The following ASAP1 variants were observed in gnomAD, a reference collection of about 807,000 sequenced individuals.
The protein encoded by ASAP1 is arf-GAP with SH3 domain, ANK repeat and PH domain-containing protein 1.
Under a neutral mutation model 145.2 loss-of-function variants are expected in ASAP1, and 43 were observed. The observed-to-expected ratio is 0.30, with a 90% CI of 0.23 to 0.38. The LOEUF (loss-of-function observed/expected upper bound fraction) is 0.38. ASAP1 is among the 10% of genes least tolerant of loss of function. The pLI, the probability that ASAP1 is intolerant of heterozygous loss-of-function variation, is 1.00. For missense variants in ASAP1, 1,018 were observed against 1,355.3 expected (o/e 0.75, Z 3.91); for synonymous variants, 546 against 515.5 (o/e 1.06, Z -0.80).
intron 2 of ASAP1, among the ~76,000 whole-genome samples, chr8:130,378,995 C>T (rs7822048): frequency 0.42 from 63,647 of 152,036 alleles, 14,392 homozygotes; most frequent in African/African-American, 0.59. Context: ...ACTCTTGCAG[C>T]CTCCTGAGTG....
chr8:130,160,582 C>A (rs897272620), intron 11 of ASAP1, among the ~76,000 whole-genome samples: 1 of 152,006 alleles, frequency 6.6e-6, no homozygotes, highest in Non-Finnish European at 1.5e-5. Flanking sequence ...GCCAAACCAA[C>A]AACATAGATG....
intron 3 of ASAP1, among the ~76,000 whole-genome samples, chr8:130,329,742 C>T (rs535580029): frequency 7.9e-5 from 12 of 152,318 alleles, no homozygotes; most frequent in Admixed American, 1.3e-4. Flanking sequence ...AGATGCATTA[C>T]TTCCAATAAA....
chr8:130,183,693 T>C (rs1482286251), intron 7 of ASAP1, among the ~76,000 whole-genome samples: 2 of 152,154 alleles, frequency 1.3e-5, no homozygotes, highest in Admixed American at 1.3e-4. Context: ...ATAAAAATGA[T>C]TTATAACTAT....
chr8:130,112,469 G>T, intron 23 of ASAP1, 147 bp from the exon 24 acceptor site: 1 of 620,962 alleles, frequency 1.6e-6, no homozygotes. Context: ...GCCTCATGAT[G>T]CTGACACAGT....
rs143586072 is a variant in ASAP1, at chr8:130,336,575, A to T, written c.186+21442T>A. 4.9e-3 allele frequency among the ~76,000 whole-genome samples: 751 copies of T among 152,342 alleles called. 6 individuals are homozygous for T. The highest frequency in any genetic ancestry group is 0.017 in the African/African-American group (715 of 41,576). ...TTGGTATTAGGCACTTTACATGGGT[A>T]AAAGAAATAAAGACTAAGGCAGGAT... On this transcript the variant is annotated intron_variant, in intron 3 of 29. Coordinates refer to ENST00000518721, the MANE Select transcript of ASAP1 (RefSeq NM_018482.4).
At position 130,358,508 on chromosome 8, in the gene ASAP1, G is replaced by T. The variant is rs909998195; in HGVS notation, c.60-365C>A. 1.4e-5 allele frequency among the ~76,000 whole-genome samples: 2 copies of T among 147,924 alleles called. No homozygotes were observed. Among genetic ancestry groups the T allele is most frequent in the Admixed American group, 6.7e-5 (1 of 14,918 alleles). Reference sequence around the variant, plus strand: ...GCGGGGGTCTGGGCTCCGGCCGGCCGCTGGGGCGTGCGCGGGCTGGGCGGC... The same window carrying T: ...GCGGGGGTCTGGGCTCCGGCCGGCCTCTGGGGCGTGCGCGGGCTGGGCGGC... On this transcript the variant is annotated intron_variant, in intron 2 of 29. Coordinates refer to ENST00000518721, the MANE Select transcript of ASAP1 (RefSeq NM_018482.4). The surrounding 1 kb of genome is among the most constrained non-coding windows in gnomAD (Gnocchi z 4.1).
chr8:130,166,197 C>T (rs1301700616), intron 11 of ASAP1, among the ~76,000 whole-genome samples: 1 of 152,080 alleles, frequency 6.6e-6, no homozygotes, highest in African/African-American at 2.4e-5. Context: ...TTTGTAGACA[C>T]AGGCTCTTAC....
At position 130,219,835 on chromosome 8, in the gene ASAP1, C is replaced by T. The variant is rs550343854; in HGVS notation, c.260-5134G>A. Among the ~76,000 whole-genome samples, 6 of 152,280 alleles carry T rather than the reference C, an allele frequency of 3.9e-5. No individual in the cohort carries two copies. In the East Asian group the frequency reaches 1.2e-3, roughly 29 times the overall value. ...ACAAGGTCTTGCTATTGTAGACCTG[C>T]GTGGAGTGCAGTGGCATGAACATGG... On this transcript the variant is annotated intron_variant, in intron 4 of 29. Coordinates refer to ENST00000518721, the MANE Select transcript of ASAP1 (RefSeq NM_018482.4).
chr8:130,134,352 A>T lies in ASAP1; in HGVS notation c.1169-8T>A, dbSNP rs777708974. 29 of 1,452,448 alleles carry T rather than the reference A, an allele frequency of 2.0e-5. No individual in the cohort carries two copies. In the Admixed American group the frequency reaches 4.6e-4, roughly 23 times the overall value. 90.0% of individuals were successfully genotyped at this position (1,452,448 alleles called of 1,614,324 possible). A position where few individuals can be genotyped will look rare whatever the true frequency, so the allele number is the denominator to read the frequency against. ...AGTGATATGTTCTATTATCTAAAAT[A>T]AAAAAAAAGAAAAATAAGTGAAACC... On this transcript the variant is annotated splice_polypyrimidine_tract_variant and splice_region_variant and intron_variant, in intron 14 of 29. Transcript: ENST00000518721.
intron 3 of ASAP1, among the ~76,000 whole-genome samples, chr8:130,332,241 A>C (rs548655863): frequency 1.3e-5 from 2 of 152,286 alleles, no homozygotes; most frequent in East Asian, 3.9e-4. Context: ...GAAGATGTTG[A>C]GTGCTTGTTA....
chr8:130,053,801 G>A lies in ASAP1; in HGVS notation c.*930C>T, dbSNP rs1179763843. On this transcript the variant is annotated 3_prime_UTR_variant, in exon 30 of 30. Transcript: ENST00000518721. ...TCAATCCATACTCTTGAGAAAGCCA[G>A]TGATTAGAAACAAATATTGTTGCAA... is the stretch of plus-strand genomic sequence containing the variant. The A allele has an allele frequency of 1.3e-5, 2 of 152,234 alleles. No individual in the cohort carries two copies. Among genetic ancestry groups the A allele is most frequent in the African/African-American group, 4.8e-5 (2 of 41,464 alleles). 9.4% of individuals were successfully genotyped at this position (152,234 alleles called of 1,614,324 possible). A position where few individuals can be genotyped will look rare whatever the true frequency, so the allele number is the denominator to read the frequency against.
Position 130,227,313 on chromosome 8 carries a change from C to T in ASAP1, c.259+9609G>A, listed in dbSNP as rs1241624558. ...TGTTGCGCAGGTTGGAGCACACTGG[C>T]GCAATTACAGCTCACTGCACACTTG... On this transcript the variant is annotated intron_variant, in intron 4 of 29. Coordinates refer to ENST00000518721, the MANE Select transcript of ASAP1 (RefSeq NM_018482.4). Among the ~76,000 whole-genome samples the T allele has an allele frequency of 3.9e-5, 6 of 152,134 alleles. 1 individual carries two copies. The South Asian group carries it at 6.2e-4, about 16-fold the overall frequency.
chr8:130,213,951 G>C (rs552027918), intron 5 of ASAP1, among the ~76,000 whole-genome samples: 1 of 152,274 alleles, frequency 6.6e-6, no homozygotes, highest in South Asian at 2.1e-4. Flanking sequence ...GCCTCCCGGG[G>C]CCAGCACCTC....
intron 3 of ASAP1, among the ~76,000 whole-genome samples, chr8:130,265,297 G>A (rs1565151642): frequency 6.6e-6 from 1 of 152,202 alleles, no homozygotes; most frequent in African/African-American, 2.4e-5. Flanking sequence ...TTGGCCGGGT[G>A]TGGTGGCTCA....
At chr8:130,172,512 T>G (rs1813658097) in intron 9 of ASAP1, among the ~76,000 whole-genome samples, 1 of 152,176 alleles carries the variant, frequency 6.6e-6, no homozygotes. Flanking sequence ...ATGAGAATGC[T>G]CTACATCTGT....
chr8:130,138,067 G>A (rs1460995823), intron 13 of ASAP1, among the ~76,000 whole-genome samples: 1 of 152,196 alleles, frequency 6.6e-6, no homozygotes. Flanking sequence ...ATCTCCAGCT[G>A]AGGAATTAAA....
Position 130,180,799 on chromosome 8 carries a change from C to A in ASAP1, c.612G>T (p.Ala204=). ...GGCGCCTTTCCTTCTCCATTTCTTC[C>A]GCAATCTCAGCTCCTGTTATCTCTG... ...IRTEITGAEI[A]EEMEKERRLF... The change falls in exon 8 of 30, where the codon GCG becomes GCT. Residue 204 remains alanine, a synonymous_variant. Coordinates refer to ENST00000518721, the MANE Select transcript of ASAP1 (RefSeq NM_018482.4). The A allele has an allele frequency of 6.2e-7, 1 of 1,613,618 alleles. No individual in the cohort carries two copies. Among genetic ancestry groups the A allele is most frequent in the Non-Finnish European group, 8.5e-7 (1 of 1,179,794 alleles).
At chr8:130,288,982 C>T (rs373759936) in intron 3 of ASAP1, among the ~76,000 whole-genome samples, 1 of 152,064 alleles carries the variant, frequency 6.6e-6, no homozygotes, top group African/African-American at 2.4e-5. Flanking sequence ...GTCGGGAGAC[C>T]GAGACCACCC....
chr8:130,234,076 T>TA (rs879334352), intron 4 of ASAP1, among the ~76,000 whole-genome samples: 3 of 152,166 alleles, frequency 2.0e-5, no homozygotes, highest in Admixed American at 2.0e-4. Context: ...CAGGTGATCC[T>TA]AATCAACAAA....
Sources: gnomAD v4.1 joint callset for allele counts (sites outside exome capture counted in the v4.1 genomes callset) on GRCh38, gnomAD v4.1.1 for gene constraint, Gnocchi (gnomAD v3.1) non-coding constraint, MANE v1.5 for transcripts, NCBI Gene and HGNC (gene_info 2026-07-23, HGNC 2026-07-21) for gene names.